The following PGR variants were observed in gnomAD, a reference collection of about 807,000 sequenced individuals.
PGR encodes the protein nuclear receptor subfamily 3 group C member 3.
In PGR, 25 loss-of-function variants were observed where a neutral mutation model predicts 76.1. The observed-to-expected ratio is 0.33, with a 90% CI of 0.24 to 0.46. The LOEUF (loss-of-function observed/expected upper bound fraction) is 0.46. Among genes scored for constraint, PGR ranks in the 20% least tolerant of loss-of-function variants. The pLI, the probability that PGR is intolerant of heterozygous loss-of-function variation, is 1.00. For missense variants in PGR, 1,172 were observed against 1,225.3 expected, an observed-to-expected ratio of 0.96 and a Z score of 0.65; for synonymous variants, 579 against 535.0, an observed-to-expected ratio of 1.08 and a Z score of -1.14.
chr11:101,069,482 C>T (rs1163748243), intron 3 of PGR, among the ~76,000 whole-genome samples: 1 of 152,116 alleles, frequency 6.6e-6, no homozygotes, highest in Non-Finnish European at 1.5e-5. Context: ...ACCAGAAATG[C>T]CATTTGACCC....
intron 1 of PGR, 119 bp downstream of exon 1, chr11:101,127,315 C>G: frequency 1.4e-6 from 1 of 696,498 alleles, no homozygotes; most frequent in South Asian, 2.4e-5. Context: ...CCCACCCTCT[C>G]CGGCCGCCCC....
chr11:101,108,896 G>T (rs984351374), intron 2 of PGR, among the ~76,000 whole-genome samples: 1 of 152,114 alleles, frequency 6.6e-6, no homozygotes, highest in Non-Finnish European at 1.5e-5. Context: ...AAGACTATGG[G>T]CATCATTTTT....
At position 101,128,129 on chromosome 11, in the gene PGR, G is replaced by A; in HGVS notation, c.942C>T (p.Ala314=). ...IHVPILPLNH[A]LLAARTRQLL... ...GCTGCCGAGTGCGGGCTGCCAATAAGGCGTGATTGAGAGGCAGGATAGGCA... is the reference window on the plus strand; with the variant it reads ...GCTGCCGAGTGCGGGCTGCCAATAAAGCGTGATTGAGAGGCAGGATAGGCA... The change falls in exon 1 of 8, where the codon GCC becomes GCT. Residue 314 remains alanine (A), a synonymous_variant. Coordinates refer to ENST00000325455, the MANE Select transcript of PGR (RefSeq NM_000926.4). The A allele has an allele frequency of 1.9e-6, 3 of 1,598,564 alleles. No homozygotes were observed. The highest frequency in any genetic ancestry group is 2.5e-6 in the Non-Finnish European group (3 of 1,179,746).
At position 101,039,214 on chromosome 11, in the gene PGR, T is replaced by A. The variant is rs753889195; in HGVS notation, c.2704A>T (p.Ser902Cys). ...GACATCATTTCTGGAAATTCAACAC[T>A]CAGTGCCCGGGACTGGATAAATGTA... is the stretch of plus-strand genomic sequence containing the variant. ...LNTFIQSRAL[S>C]VEFPEMMSEV... is the part of the protein sequence containing the mutation. The change falls in exon 8 of 8, where the codon AGT (serine) becomes TGT (cysteine). Residue 902 changes from serine (S) to cysteine (C), a missense_variant. By Grantham distance (112) the Ser-to-Cys change is moderately radical (BLOSUM62 -1). Coordinates refer to ENST00000325455, the MANE Select transcript of PGR (RefSeq NM_000926.4). 20 of 1,611,612 alleles carry A rather than the reference T, an allele frequency of 1.2e-5. No individual in the cohort carries two copies. The highest frequency in any genetic ancestry group is 1.7e-5 in the Non-Finnish European group (20 of 1,178,098).
chr11:101,035,670 A>T lies in PGR; in HGVS notation c.*3446T>A, dbSNP rs932984619. The stretch of plus-strand genomic sequence containing the variant: ...TTAAAATCAGTGTCATTATTTTAAA[A>T]TGTCTACAATGGAAGAGTGATAGGC... On this transcript the variant is annotated 3_prime_UTR_variant, in exon 8 of 8. Transcript: ENST00000325455. 1.7e-5 allele frequency: 4 copies of T among 231,412 alleles called. No individual in the cohort carries two copies. The highest frequency in any genetic ancestry group is 3.4e-5 in the Non-Finnish European group (4 of 116,994). 14.3% of individuals were successfully genotyped at this position (231,412 alleles called of 1,614,324 possible).
Position 101,056,107 on chromosome 11 carries a change from G to A in PGR, c.2213-4539C>T, listed in dbSNP as rs543833222. 8.6e-5 allele frequency among the ~76,000 whole-genome samples: 13 copies of A among 151,998 alleles called. No homozygotes were observed. In the South Asian group the frequency reaches 1.9e-3, roughly 22 times the overall value. On this transcript the variant is annotated intron_variant, in intron 4 of 7. Coordinates refer to ENST00000325455, the MANE Select transcript of PGR (RefSeq NM_000926.4). ...TTACTTTATGCTGAAACAAAGATGG[G>A]AACACAGAGATTAAATTCCCAGTGA...
chr11:101,109,492 G>T (rs12275177), intron 2 of PGR, among the ~76,000 whole-genome samples: 2 of 152,172 alleles, frequency 1.3e-5, no homozygotes, highest in African/African-American at 2.4e-5. Context: ...AGAGGATCAC[G>T]CCAGCCACAA....
chr11:101,056,501 C>T lies in PGR; in HGVS notation c.2213-4933G>A, dbSNP rs573960267. Among the ~76,000 whole-genome samples, 24 of 152,038 alleles carry T rather than the reference C, an allele frequency of 1.6e-4. No homozygotes were observed. The South Asian group carries it at 5.0e-3, about 32-fold the overall frequency. On this transcript the variant is annotated intron_variant, in intron 4 of 7. Coordinates refer to ENST00000325455, the MANE Select transcript of PGR (RefSeq NM_000926.4). ...AAGCTTGTCCAGGTGTGGTGGTGCACACCTGTAGTGCTGGGGAGGCTGAAG... is the reference window on the plus strand; with the variant it reads ...AAGCTTGTCCAGGTGTGGTGGTGCATACCTGTAGTGCTGGGGAGGCTGAAG...
intron 2 of PGR, among the ~76,000 whole-genome samples, chr11:101,125,140 T>C (rs1031148974): frequency 1.3e-5 from 2 of 152,156 alleles, no homozygotes; most frequent in Non-Finnish European, 2.9e-5. Context: ...TACATAGTTA[T>C]AGAATACATT....
At chr11:101,076,677 T>C (rs1252383971) in intron 3 of PGR, among the ~76,000 whole-genome samples, 1 of 151,698 alleles carries the variant, frequency 6.6e-6, no homozygotes, top group Non-Finnish European at 1.5e-5. Context: ...TGAGAGAGAT[T>C]AGAAGTGAAA....
intron 7 of PGR, chr11:101,041,740 T>C: frequency 1.8e-6 from 1 of 560,480 alleles, no homozygotes; most frequent in South Asian, 2.2e-5. Flanking sequence ...ATTATACAAA[T>C]ACTTGTAAAA....
At chr11:101,111,286 G>C (rs1862334185) in intron 2 of PGR, among the ~76,000 whole-genome samples, 1 of 152,094 alleles carries the variant, frequency 6.6e-6, no homozygotes, top group South Asian at 2.1e-4. Context: ...ATTCTTGGTA[G>C]GGGCCACAGC....
At chr11:101,048,243 A>AAAAAT (rs1859959092) in intron 6 of PGR, among the ~76,000 whole-genome samples, 1 of 152,234 alleles carries the variant, frequency 6.6e-6, no homozygotes, top group African/African-American at 2.4e-5. Flanking sequence ...TTATCTTGAT[A>AAAAAT]AAAATAATTC....
At chr11:101,113,042 A>G (rs1333858710) in intron 2 of PGR, among the ~76,000 whole-genome samples, 2 of 152,190 alleles carry the variant, frequency 1.3e-5, no homozygotes, top group Non-Finnish European at 2.9e-5. Flanking sequence ...AGCAAGTTAG[A>G]AAATCTTATT....
Position 101,031,264 on chromosome 11 carries a change from C to A in PGR, c.*7852G>T. The A allele has an allele frequency of 4.5e-6, 1 of 223,054 alleles. No homozygotes were observed. The highest frequency in any genetic ancestry group is 8.9e-6 in the Non-Finnish European group (1 of 111,772). 13.8% of individuals were successfully genotyped at this position (223,054 alleles called of 1,614,324 possible). ...CAAAGACTTAAATATGAGATGATAG[C>A]AACGGGGGTCTATGACCAGGCATAA... On this transcript the variant is annotated 3_prime_UTR_variant, in exon 8 of 8. Coordinates refer to ENST00000325455, the MANE Select transcript of PGR (RefSeq NM_000926.4).
chr11:101,030,249 G>C lies in PGR; in HGVS notation c.*8867C>G, dbSNP rs1469823666. 4.5e-6 allele frequency: 1 copy of C among 223,212 alleles called. No individual in the cohort carries two copies. The highest frequency in any genetic ancestry group is 8.9e-6 in the Non-Finnish European group (1 of 112,076). The allele number at this position is 223,212 out of a possible 1,614,324, so 13.8% of individuals were successfully genotyped here. A position where few individuals can be genotyped will look rare whatever the true frequency, so the allele number is the denominator to read the frequency against. On this transcript the variant is annotated 3_prime_UTR_variant, in exon 8 of 8. Coordinates refer to ENST00000325455, the MANE Select transcript of PGR (RefSeq NM_000926.4). ...ACACTAGTTTTACTAATAAGCAACG[G>C]GGTAGATAACTTTGAAGATTGCATC...
At chr11:101,090,177 G>C (rs546912022) in intron 3 of PGR, among the ~76,000 whole-genome samples, 1 of 150,964 alleles carries the variant, frequency 6.6e-6, no homozygotes, top group Non-Finnish European at 1.5e-5. Flanking sequence ...CAGCCTGGGC[G>C]ACAGAGTGAG....
intron 2 of PGR, among the ~76,000 whole-genome samples, chr11:101,095,271 C>T (rs11571175): frequency 0.012 from 1,815 of 152,236 alleles, 29 homozygotes; most frequent in African/African-American, 0.038. Flanking sequence ...ATGTTTTCCC[C>T]CACTAAATTA....
At chr11:101,107,069 G>C (rs1429157278) in intron 2 of PGR, among the ~76,000 whole-genome samples, 1 of 152,076 alleles carries the variant, frequency 6.6e-6, no homozygotes, top group Non-Finnish European at 1.5e-5. Context: ...TCAGGGGATG[G>C]GGGGCTAGGG....
Sources: allele counts gnomAD v4.1 joint callset (sites outside exome capture counted in the v4.1 genomes callset), GRCh38; gene constraint gnomAD v4.1.1; transcripts MANE v1.5; gene names NCBI Gene and HGNC (gene_info 2026-07-23, HGNC 2026-07-21).